Variants in ITPR1 observed in about 807,000 individuals in gnomAD.
ITPR1 encodes the protein inositol 1,4,5-trisphosphate-gated calcium channel ITPR1.
In ITPR1, 96 loss-of-function variants were observed where a neutral mutation model predicts 318.4. The observed-to-expected ratio is 0.30, with a 90% CI of 0.26 to 0.36. ITPR1 has a LOEUF of 0.36. ITPR1 is among the 10% of genes least tolerant of loss of function. ITPR1 has a pLI of 1.00. For missense variants in ITPR1, 2,440 were observed against 3,460.2 expected (o/e 0.71, Z 7.40); for synonymous variants, 1,312 against 1,289.9 (o/e 1.02, Z -0.37).
chr3:4,570,940 G>C (rs1015523307), intron 4 of ITPR1, among the ~76,000 whole-genome samples: 2 of 152,182 alleles, frequency 1.3e-5, no homozygotes, highest in Non-Finnish European at 2.9e-5. Context: ...CTGATCTTGG[G>C]TGAGCTTACC....
At chr3:4,563,367 G>C (rs1327974066) in intron 4 of ITPR1, among the ~76,000 whole-genome samples, 1 of 151,952 alleles carries the variant, frequency 6.6e-6, no homozygotes, top group African/African-American at 2.4e-5. Flanking sequence ...AAATTAGCTG[G>C]GCATGGTGAT....
intron 60 of ITPR1, among the ~76,000 whole-genome samples, chr3:4,818,772 C>T (rs75652455): frequency 0.018 from 2,706 of 152,160 alleles, 29 homozygotes; most frequent in Non-Finnish European, 0.03. Flanking sequence ...TTAATCTTTT[C>T]GCTGATGGGA....
At chr3:4,675,562 A>G (rs909419968) in intron 23 of ITPR1, among the ~76,000 whole-genome samples, 1 of 152,232 alleles carries the variant, frequency 6.6e-6, no homozygotes, top group Non-Finnish European at 1.5e-5. Flanking sequence ...TTGTTGAACA[A>G]TTTGAAAGTT....
At chr3:4,689,373 A>C (rs2125242741) in intron 31 of ITPR1, among the ~76,000 whole-genome samples, 1 of 152,378 alleles carries the variant, frequency 6.6e-6, no homozygotes, top group Admixed American at 6.5e-5. Flanking sequence ...GCTGGATTGT[A>C]GGATAATATA....
At chr3:4,560,802 G>A (rs2086597609) in intron 4 of ITPR1, among the ~76,000 whole-genome samples, 1 of 152,158 alleles carries the variant, frequency 6.6e-6, no homozygotes, top group South Asian at 2.1e-4. Flanking sequence ...AGGTGACAGC[G>A]ACTTATTATA....
Position 4,779,579 on chromosome 3 carries a change from C to T in ITPR1, c.6321C>T (p.Ile2107=), listed in dbSNP as rs1236499052. Residue 2107 remains isoleucine (I), a synonymous_variant, in exon 49 of 62, where the codon ATC becomes ATT. Transcript: ENST00000649015. This position sits in a 1 kb window ranked among gnomAD's most constrained non-coding sequence, Gnocchi z 4.0. ...ATGCCTCGAAGTTGCTCCTGGCCATCATGGAAAGCAGGCACGACAGTGAAA... is the reference window on the plus strand; with the variant it reads ...ATGCCTCGAAGTTGCTCCTGGCCATTATGGAAAGCAGGCACGACAGTGAAA... ...KNNASKLLLA[I]MESRHDSENA... The T allele has an allele frequency of 6.2e-7, 1 of 1,612,590 alleles. No homozygotes were observed. Among genetic ancestry groups the T allele is most frequent in the South Asian group, 1.1e-5 (1 of 91,032 alleles).
intron 44 of ITPR1, among the ~76,000 whole-genome samples, chr3:4,741,543 C>T (rs1215654317): frequency 4.4e-5 from 2 of 45,454 alleles, no homozygotes; most frequent in Admixed American, 3.3e-4. Context: ...TCCTACACCA[C>T]ACTCTTTTTT....
intron 56 of ITPR1, among the ~76,000 whole-genome samples, chr3:4,812,171 G>A (rs962619115): frequency 6.6e-6 from 1 of 151,668 alleles, no homozygotes; most frequent in South Asian, 2.1e-4. Flanking sequence ...CTCCCCAGTA[G>A]CTGAAACTGC....
At chr3:4,729,895 A>G (rs1483378531) in intron 42 of ITPR1, among the ~76,000 whole-genome samples, 1 of 151,600 alleles carries the variant, frequency 6.6e-6, no homozygotes, top group African/African-American at 2.4e-5. Context: ...GCCAAATGTT[A>G]AAGCTGAAGA....
chr3:4,754,911 AC>A (rs1270920395), intron 44 of ITPR1, among the ~76,000 whole-genome samples: 4 of 152,214 alleles, frequency 2.6e-5, no homozygotes, highest in African/African-American at 9.6e-5. Context: ...AATCTTCATG[AC>A]TTGGCTGGAA....
At chr3:4,720,370 G>A (rs1400693481) in intron 40 of ITPR1, among the ~76,000 whole-genome samples, 1 of 152,222 alleles carries the variant, frequency 6.6e-6, no homozygotes, top group Non-Finnish European at 1.5e-5. Flanking sequence ...GTGATGACAG[G>A]TGAGTGGCCC....
intron 4 of ITPR1, among the ~76,000 whole-genome samples, chr3:4,553,747 C>T (rs1433681220): frequency 6.6e-6 from 1 of 152,056 alleles, no homozygotes; most frequent in Non-Finnish European, 1.5e-5. Flanking sequence ...ATTACAGGTG[C>T]CCACCACCAC....
At chr3:4,711,609 TGCAGG>T (rs2041376364) in intron 38 of ITPR1, 143 bp from the exon 39 acceptor site, 1 of 614,498 alleles carries the variant, frequency 1.6e-6, no homozygotes, top group African/African-American at 1.8e-5. Context: ...CTGTTCTCAG[TGCAGG>T]GAATGCCCTG....
At chr3:4,575,417 G>T (rs1278747077) in intron 4 of ITPR1, among the ~76,000 whole-genome samples, 2 of 152,178 alleles carry the variant, frequency 1.3e-5, no homozygotes, top group African/African-American at 4.8e-5. Flanking sequence ...GTTAAAATAT[G>T]CTTGGAAGAT....
chr3:4,835,665 T>G (rs2050854641), intron 60 of ITPR1, among the ~76,000 whole-genome samples: 1 of 152,146 alleles, frequency 6.6e-6, no homozygotes, highest in African/African-American at 2.4e-5. Flanking sequence ...ACACCAGACA[T>G]GTGGAATGAG....
At chr3:4,814,309 A>C in intron 57 of ITPR1, 114 bp from the exon 58 acceptor site, 1 of 1,179,766 alleles carries the variant, frequency 8.5e-7, no homozygotes, top group Admixed American at 1.7e-5. Flanking sequence ...TTGATTCCTT[A>C]ATTTTATTCT....
intron 46 of ITPR1, among the ~76,000 whole-genome samples, chr3:4,770,187 G>A (rs1035123747): frequency 7.9e-5 from 12 of 152,150 alleles, no homozygotes; most frequent in Non-Finnish European, 1.5e-5. Context: ...TATTTACCTG[G>A]CTGACCTTAT....
Position 4,521,104 on chromosome 3 carries a change from T to C in ITPR1, c.163+10T>C. 2 of 1,601,028 alleles carry C rather than the reference T, an allele frequency of 1.2e-6. No homozygotes were observed. The highest frequency in any genetic ancestry group is 1.7e-6 in the Non-Finnish European group (2 of 1,168,364). On this transcript the variant is annotated intron_variant, in intron 4 of 61. Transcript: ENST00000649015. The stretch of plus-strand genomic sequence containing the variant: ...CCTAAGAAATTCAGAGGTAAGGTGG[T>C]GGCTTTCCTGGAGTAGTCACCTTGA...
At chr3:4,781,571 G>A (rs926164270) in intron 49 of ITPR1, among the ~76,000 whole-genome samples, 3 of 152,162 alleles carry the variant, frequency 2.0e-5, no homozygotes, top group Admixed American at 6.5e-5. Context: ...GTGGTCCTCC[G>A]GGAGCCGAGT....
Sources: allele counts gnomAD v4.1 joint callset (sites outside exome capture counted in the v4.1 genomes callset), GRCh38; gene constraint gnomAD v4.1.1; non-coding constraint Gnocchi (gnomAD v3.1); transcripts MANE v1.5; gene names NCBI Gene and HGNC (gene_info 2026-07-23, HGNC 2026-07-21).